SORBS2: variants seen among roughly 807,000 people sequenced by gnomAD.
SORBS2 encodes sorbin and SH3 domain containing 2.
In SORBS2, 46 loss-of-function variants were observed where a neutral mutation model predicts 97.7. The ratio of observed to expected loss-of-function variants is 0.47; its 90% CI spans 0.37 to 0.60. SORBS2 has a LOEUF of 0.60. SORBS2 is among the 20% of genes least tolerant of loss of function. The pLI is 0.00. For synonymous variants in SORBS2, 476 were observed against 473.4 expected (o/e 1.01, Z -0.07); for missense variants, 1,316 against 1,282.3 (o/e 1.03, Z -0.40).
intron 1 of SORBS2, among the ~76,000 whole-genome samples, chr4:185,916,144 G>C (rs560756585): frequency 1.9e-4 from 29 of 152,204 alleles, no homozygotes; most frequent in Non-Finnish European, 3.7e-4. Context: ...TCAGGGTGCA[G>C]TATGAGTCAT....
chr4:185,856,458 C>T (rs1234993997), intron 1 of SORBS2, among the ~76,000 whole-genome samples: 1 of 152,172 alleles, frequency 6.6e-6, no homozygotes, highest in African/African-American at 2.4e-5. Context: ...CTGAAACTCC[C>T]ACATTTATGA....
intron 5 of SORBS2, among the ~76,000 whole-genome samples, chr4:185,629,560 A>AT (rs201590422): frequency 0.24 from 31,799 of 133,782 alleles, 4,215 homozygotes; most frequent in South Asian, 0.45. Context: ...GAATTTTGTG[A>AT]TTTGTTTTTT....
intron 1 of SORBS2, among the ~76,000 whole-genome samples, chr4:185,840,438 A>G (rs2099210815): frequency 6.6e-6 from 1 of 152,166 alleles, no homozygotes; most frequent in African/African-American, 2.4e-5. Flanking sequence ...CTATGCTAGT[A>G]TCTTGCATAG....
intron 6 of SORBS2, 42 bp downstream of exon 18, chr4:185,626,789 AC>A: frequency 1.3e-6 from 2 of 1,598,452 alleles, no homozygotes; most frequent in Non-Finnish European, 1.7e-6. Flanking sequence ...CTAGGCTAAA[AC>A]GTAAACTAGT....
At chr4:185,879,218 G>A (rs1279706982) in intron 1 of SORBS2, among the ~76,000 whole-genome samples, 1 of 133,810 alleles carries the variant, frequency 7.5e-6, no homozygotes. Flanking sequence ...CCCTTCCTGT[G>A]TCCATGTGTT....
At chr4:185,708,384 T>A (rs1048231841) in intron 2 of SORBS2, among the ~76,000 whole-genome samples, 17 of 152,234 alleles carry the variant, frequency 1.1e-4, no homozygotes, top group Non-Finnish European at 1.8e-4. Context: ...TTGTTTAACT[T>A]TGCAAGGATC....
chr4:185,845,931 A>T (rs547163657), intron 1 of SORBS2, among the ~76,000 whole-genome samples: 4 of 151,668 alleles, frequency 2.6e-5, no homozygotes, highest in Non-Finnish European at 5.9e-5. Context: ...GATGTGGAGC[A>T]ACAGGAGCTC....
chr4:185,594,945 C>G (rs866013705), intron 12 of SORBS2, among the ~76,000 whole-genome samples: 1 of 152,144 alleles, frequency 6.6e-6, no homozygotes, highest in Non-Finnish European at 1.5e-5. Flanking sequence ...GATCCATGTC[C>G]TTAGACTTTG....
rs760601599 is a variant in SORBS2 at position 185,623,360 on chromosome 4, C to A, written c.1769G>T (p.Arg590Ile). Residue 590 changes from arginine (R) to isoleucine (I), a missense_variant, in exon 7 of 15, where the codon AGA becomes ATA. Coordinates refer to ENST00000418609, the Ensembl canonical transcript of SORBS2. The surrounding 1 kb of genome is among the most constrained non-coding windows in gnomAD (Gnocchi z 6.4). ...AAGGCCAGGGTCCATTTCTTGCCTTCTGGGCTCCTCGGTGTTTTCGTGTCT... is the reference window on the plus strand; with the variant it reads ...AAGGCCAGGGTCCATTTCTTGCCTTATGGGCTCCTCGGTGTTTTCGTGTCT... The A allele has an allele frequency of 6.2e-7, 1 of 1,613,710 alleles. No individual in the cohort carries two copies.
At chr4:185,686,662 G>A (rs893891822) in intron 2 of SORBS2, among the ~76,000 whole-genome samples, 1 of 152,222 alleles carries the variant, frequency 6.6e-6, no homozygotes, top group Non-Finnish European at 1.5e-5. Flanking sequence ...CAAAGGTGTT[G>A]AAAGTAAAAA....
chr4:185,669,015 T>C (rs1384478821), intron 4 of SORBS2, among the ~76,000 whole-genome samples: 1 of 152,252 alleles, frequency 6.6e-6, no homozygotes, highest in South Asian at 2.1e-4. Context: ...AGAGAGCACC[T>C]GCTTACTCAA....
At chr4:185,896,077 T>A (rs1053483772) in intron 1 of SORBS2, among the ~76,000 whole-genome samples, 1 of 152,076 alleles carries the variant, frequency 6.6e-6, no homozygotes, top group African/African-American at 2.4e-5. Flanking sequence ...CAAAAAAAGC[T>A]CCGGATTAGG....
chr4:185,928,151 ATT>A (rs1449576566), intron 1 of SORBS2, among the ~76,000 whole-genome samples: 1 of 152,126 alleles, frequency 6.6e-6, no homozygotes, highest in Non-Finnish European at 1.5e-5. Flanking sequence ...CACACCTGTA[ATT>A]TCATCACTTT....
At chr4:185,696,666 T>A (rs2098180027) in intron 2 of SORBS2, among the ~76,000 whole-genome samples, 2 of 152,148 alleles carry the variant, frequency 1.3e-5, no homozygotes, top group South Asian at 4.1e-4. Context: ...GGTCTCGAAC[T>A]CCTGACCTCA....
At chr4:185,587,328 A>T (rs2095811949) in exon 15 of SORBS2, 1 of 282,198 alleles carries the variant, frequency 3.5e-6, no homozygotes, top group East Asian at 6.6e-5. Flanking sequence ...TTTTGCCTCA[A>T]ATATTTGACC....
intron 1 of SORBS2, among the ~76,000 whole-genome samples, chr4:185,916,349 T>TA (rs1463049177): frequency 1.3e-5 from 2 of 152,184 alleles, no homozygotes; most frequent in Non-Finnish European, 2.9e-5. Flanking sequence ...AACCAGAAGT[T>TA]AGAGGTGGGA....
intron 1 of SORBS2, among the ~76,000 whole-genome samples, chr4:185,908,275 G>T (rs1432519330): frequency 7.7e-5 from 5 of 65,076 alleles, no homozygotes; most frequent in Admixed American, 2.1e-4. Flanking sequence ...CCCATGCAAA[G>T]GCTATATATA....
At chr4:185,782,633 T>C (rs560287419) in intron 1 of SORBS2, among the ~76,000 whole-genome samples, 4 of 152,362 alleles carry the variant, frequency 2.6e-5, no homozygotes, top group African/African-American at 4.8e-5. Context: ...GGTCAGGCCA[T>C]AGTCATTCCA....
At chr4:185,908,861 A>T (rs1402785656) in intron 1 of SORBS2, among the ~76,000 whole-genome samples, 1 of 151,982 alleles carries the variant, frequency 6.6e-6, no homozygotes, top group Non-Finnish European at 1.5e-5. Context: ...TGCATAACAT[A>T]TAAAAATATA....
Sources: gnomAD v4.1 joint callset for allele counts (sites outside exome capture counted in the v4.1 genomes callset) on GRCh38, gnomAD v4.1.1 for gene constraint, Gnocchi (gnomAD v3.1) non-coding constraint, MANE v1.5 for transcripts, NCBI Gene and HGNC (gene_info 2026-07-23, HGNC 2026-07-21) for gene names.